PGGHG: variants seen among roughly 807,000 people sequenced by gnomAD.
The protein encoded by PGGHG is ATH1, acid trehalase-like 1.
PGGHG carries 67 observed loss-of-function variants against 74.5 expected under a neutral mutation model. The observed-to-expected ratio is 0.90, with a 90% CI of 0.74 to 1.10. The LOEUF (loss-of-function observed/expected upper bound fraction) is 1.10, where lower values mean the gene tolerates loss of function less well. PGGHG is among the 50% of genes least tolerant of loss of function. The pLI is 0.00. For missense variants in PGGHG, 1,034 were observed against 981.5 expected (o/e 1.05, Z -0.72); for synonymous variants, 496 against 419.9 (o/e 1.18, Z -2.21).
chr11:291,836 G>A, intron 4 of PGGHG, 140 bp from the exon 5 acceptor site: 1 of 1,234,604 alleles, frequency 8.1e-7, no homozygotes, highest in Non-Finnish European at 1.1e-6. Flanking sequence ...CAGGTGGGGA[G>A]GGCCTGCAGA....
At position 294,607 on chromosome 11, in the gene PGGHG, C is replaced by T. The variant is rs141707471; in HGVS notation, c.2072C>T (p.Pro691Leu). Residue 691 changes from proline (P) to leucine (L), a missense_variant, in exon 14 of 14, where the codon CCG becomes CTG. Pro to Leu is a moderately conservative substitution (Grantham distance 98). Transcript: ENST00000409548. The part of the protein sequence containing the change: ...RSAGRIQMSP[P>L]KLPGSSSSEF... ...GCTGGCCGGATACAAATGTCACCCC[C>T]GAAGCTGCCTGGAAGTTCCAGCTCC... 3.7e-5 allele frequency: 57 copies of T among 1,523,004 alleles called. 1 individual carries two copies. The highest frequency in any genetic ancestry group is 2.4e-4 in the South Asian group (21 of 88,206). The allele number at this position is 1,523,004 out of a possible 1,614,324, so 94.3% of individuals were successfully genotyped here. A position where few individuals can be genotyped will look rare whatever the true frequency, so the allele number is the denominator to read the frequency against.
At position 289,917 on chromosome 11, in the gene PGGHG, G is replaced by T; in HGVS notation, c.101G>T (p.Arg34Leu). Residue 34 changes from arginine to leucine, a missense_variant, in exon 2 of 14, where the codon CGA becomes CTA. Transcript: ENST00000409548. This position sits in a 1 kb window ranked among gnomAD's most constrained non-coding sequence, Gnocchi z 5.6. ...ATVTNAYLGT[R>L]VFHDTLHVSG... ...GTGACCAACGCATACCTGGGCACACGAGTGTTTCACGACACGCTGCACGTG... is the reference window on the plus strand; with the variant it reads ...GTGACCAACGCATACCTGGGCACACTAGTGTTTCACGACACGCTGCACGTG... 6.4e-7 allele frequency: 1 copy of T among 1,551,018 alleles called. No individual in the cohort carries two copies. The highest frequency in any genetic ancestry group is 8.7e-7 in the Non-Finnish European group (1 of 1,146,904).
chr11:293,111 G>A, intron 7 of PGGHG, 52 bp from the exon 8 acceptor site: 1 of 1,613,930 alleles, frequency 6.2e-7, no homozygotes, highest in Admixed American at 1.7e-5. Flanking sequence ...CGGCGTGGAG[G>A]GAAGGCCTCT....
At position 290,456 on chromosome 11, in the gene PGGHG, C is replaced by T. The variant is rs754115770; in HGVS notation, c.326C>T (p.Thr109Met). 33 of 1,549,672 alleles carry T rather than the reference C, an allele frequency of 2.1e-5. No individual in the cohort carries two copies. The highest frequency in any genetic ancestry group is 9.5e-5 in the South Asian group (8 of 84,038). The change falls in exon 3 of 14, where the codon ACG becomes ATG. Residue 109 changes from threonine to methionine, a missense_variant. Transcript: ENST00000409548. ...TCCCAGTGCATCTATGCGCATCGCA[C>T]GCTGCCCCACGTGCTGGCTTTCCGA... Reference protein sequence around the residue: ...RASQCIYAHRTLPHVLAFRVS... With the variant: ...RASQCIYAHRMLPHVLAFRVS...
chr11:291,839 C>T (rs1051237406), intron 4 of PGGHG, 137 bp from the exon 5 acceptor site: 15 of 1,269,024 alleles, frequency 1.2e-5, no homozygotes, highest in Non-Finnish European at 1.5e-5. Flanking sequence ...GTGGGGAGGG[C>T]CTGCAGATCT....
Position 293,928 on chromosome 11 carries a change from C to A in PGGHG, c.1710+3C>A, listed in dbSNP as rs61876229. 1 of 1,609,696 alleles carries A rather than the reference C, an allele frequency of 6.2e-7. No individual in the cohort carries two copies. Among genetic ancestry groups the A allele is most frequent in the Non-Finnish European group, 8.5e-7 (1 of 1,178,374 alleles). On this transcript the variant is annotated splice_donor_region_variant and intron_variant, in intron 11 of 13. Coordinates refer to ENST00000409548, the MANE Select transcript of PGGHG (RefSeq NM_025092.5). Reference sequence around the variant, plus strand: ...CCAACATGGCTGAACCCTTCAAGGTCAGCCTGGCCACACCTGCCTCCCACT... The same window carrying A: ...CCAACATGGCTGAACCCTTCAAGGTAAGCCTGGCCACACCTGCCTCCCACT...
In PGGHG at chr11:292,058, A is replaced by C; in HGVS notation, c.989A>C (p.Asp330Ala). Residue 330 changes from aspartate to alanine, a missense_variant, in exon 5 of 14, where the codon GAC becomes GCC. Physicochemically the swap from Asp to Ala is moderately radical, Grantham distance 126. Coordinates refer to ENST00000409548, the MANE Select transcript of PGGHG (RefSeq NM_025092.5). Reference protein sequence around the residue: ...AILEYRIRTLDGALENAQNLG... With the variant: ...AILEYRIRTLAGALENAQNLG... ...CTGGAGTACCGCATCCGCACGCTGG[A>C]CGGGGCCCTGGAGAACGCCCAGAAC... 6.3e-7 allele frequency: 1 copy of C among 1,587,836 alleles called. No homozygotes were observed. The highest frequency in any genetic ancestry group is 8.6e-7 in the Non-Finnish European group (1 of 1,167,076).
rs746436580 is a variant in PGGHG, at chr11:291,011, C to G, written c.804C>G (p.Pro268=). The G allele has an allele frequency of 6.2e-7, 1 of 1,612,704 alleles. No individual in the cohort carries two copies. Among genetic ancestry groups the G allele is most frequent in the African/African-American group, 1.3e-5 (1 of 75,060 alleles). ...TCTACTACCTGCTCAGTGCCCTGCC[C>G]CAGCCCAAGGCCCCAGGATACATCT... The part of the protein sequence containing the change: ...GSLYYLLSAL[P]QPKAPGYICH... The change falls in exon 4 of 14, where the codon CCC becomes CCG. Residue 268 remains proline, a synonymous_variant. Transcript: ENST00000409548.
In PGGHG at chr11:294,589, G is replaced by C. The variant is rs1444677667; in HGVS notation, c.2054G>C (p.Arg685Pro). Residue 685 changes from arginine (R) to proline (P), a missense_variant, in exon 14 of 14, where the codon CGG becomes CCG. Transcript: ENST00000409548. ...HKVSFPRSAG[R>P]IQMSPPKLPG... is the part of the protein sequence containing the mutation. Reference sequence around the variant, plus strand: ...GTCTCCTTTCCCCGCTCGGCTGGCCGGATACAAATGTCACCCCCGAAGCTG... The same window carrying C: ...GTCTCCTTTCCCCGCTCGGCTGGCCCGATACAAATGTCACCCCCGAAGCTG... 2 of 1,570,888 alleles carry C rather than the reference G, an allele frequency of 1.3e-6. No individual in the cohort carries two copies. Among genetic ancestry groups the C allele is most frequent in the African/African-American group, 1.6e-5 (1 of 64,200 alleles).
rs755118436 is a variant in PGGHG, at chr11:290,089, G to A, written c.259+14G>A. 2.0e-6 allele frequency: 3 copies of A among 1,513,082 alleles called. No individual in the cohort carries two copies. Among genetic ancestry groups the A allele is most frequent in the Non-Finnish European group, 2.7e-6 (3 of 1,131,636 alleles). 93.7% of individuals were successfully genotyped at this position (1,513,082 alleles called of 1,614,324 possible). On this transcript the variant is annotated intron_variant, in intron 2 of 13. Transcript: ENST00000409548. ...ACACCAACACAGGTAGCGCCACCTG[G>A]CCTGCCTCACCCCTGCCCCAGGCAT...
chr11:291,949 C>T (rs760194170), intron 4 of PGGHG, 27 bp from the exon 5 acceptor site: 8 of 1,586,508 alleles, frequency 5.0e-6, no homozygotes, highest in Admixed American at 3.6e-5. Flanking sequence ...GCCTGTCCGG[C>T]GCTAGAACGA....
intron 4 of PGGHG, chr11:291,332 C>T (rs1845714538): frequency 1.8e-6 from 1 of 556,088 alleles, no homozygotes; most frequent in East Asian, 3.1e-5. Flanking sequence ...AGGCACTTTC[C>T]AGAGCGTGGG....
rs1281524767 is a variant in PGGHG, at chr11:292,582, C to T, written c.1063C>T (p.Leu355=). 2.5e-6 allele frequency: 4 copies of T among 1,613,500 alleles called. No homozygotes were observed. In the East Asian group the frequency reaches 8.9e-5, roughly 36 times the overall value. The change falls in exon 6 of 14, where the codon CTA becomes TTA. Residue 355 remains leucine, a synonymous_variant. Coordinates refer to ENST00000409548, the MANE Select transcript of PGGHG (RefSeq NM_025092.5). ...TGCCTGGGAGAGTGCAGACTCCGGC[C>T]TAGAGGTTTGCCCTGAGGACATTTA... The part of the protein sequence containing the change: ...KFAWESADSG[L]EVCPEDIYGV...
In PGGHG at chr11:292,664, A is replaced by G. The variant is rs777870311; in HGVS notation, c.1145A>G (p.Tyr382Cys). ...GTGGTGTTGGCCTTCGAGCTGTACT[A>G]CCATACCACCCAGGTGAGGTGCTGC... ...GAVVLAFELY[Y>C]HTTQDLQLFR... Residue 382 changes from tyrosine to cysteine, a missense_variant, in exon 6 of 14, where the codon TAC (tyrosine) becomes TGC (cysteine). Physicochemically the swap from Tyr to Cys is radical, Grantham distance 194. Transcript: ENST00000409548. 1.9e-6 allele frequency: 3 copies of G among 1,613,602 alleles called. No homozygotes were observed. The highest frequency in any genetic ancestry group is 1.3e-5 in the African/African-American group (1 of 74,922).
chr11:290,459 T>C lies in PGGHG; in HGVS notation c.329T>C (p.Leu110Pro), dbSNP rs1378303156. ...CAGTGCATCTATGCGCATCGCACGCTGCCCCACGTGCTGGCTTTCCGAGTG... is the reference window on the plus strand; with the variant it reads ...CAGTGCATCTATGCGCATCGCACGCCGCCCCACGTGCTGGCTTTCCGAGTG... ...ASQCIYAHRTLPHVLAFRVSI... is the reference protein window; with the variant it reads ...ASQCIYAHRTPPHVLAFRVSI... The change falls in exon 3 of 14, where the codon CTG becomes CCG. Residue 110 changes from leucine to proline, a missense_variant. Coordinates refer to ENST00000409548, the MANE Select transcript of PGGHG (RefSeq NM_025092.5). 6.5e-7 allele frequency: 1 copy of C among 1,549,802 alleles called. No individual in the cohort carries two copies. Among genetic ancestry groups the C allele is most frequent in the Non-Finnish European group, 8.7e-7 (1 of 1,146,914 alleles).
intron 4 of PGGHG, chr11:291,401 A>G (rs973848443): frequency 7.2e-6 from 3 of 414,122 alleles, no homozygotes; most frequent in African/African-American, 4.1e-5. Context: ...GTTTGTAGAC[A>G]GTAGTGTGGC....
Position 292,109 on chromosome 11 carries a change from G to A in PGGHG, c.1026+14G>A. The A allele has an allele frequency of 6.5e-7, 1 of 1,545,780 alleles. No individual in the cohort carries two copies. The highest frequency in any genetic ancestry group is 8.7e-7 in the Non-Finnish European group (1 of 1,145,446). ...CTGGGCTACCAGGTGAGGGGACCTG[G>A]GGCACTGGCCCGTAGGGCCCTGCAG... is the stretch of plus-strand genomic sequence containing the variant. On this transcript the variant is annotated intron_variant, in intron 5 of 13. Transcript: ENST00000409548.
chr11:291,337 CG>C, intron 4 of PGGHG: 1 of 534,460 alleles, frequency 1.9e-6, no homozygotes, highest in Non-Finnish European at 3.2e-6. Flanking sequence ...CTTTCCAGAG[CG>C]TGGGGAGGGG....
Position 295,163 on chromosome 11 carries a change from G to A in PGGHG, c.*414G>A. The A allele has an allele frequency of 6.0e-6, 1 of 166,266 alleles. No homozygotes were observed. Among genetic ancestry groups the A allele is most frequent in the Non-Finnish European group, 1.3e-5 (1 of 77,950 alleles). 10.3% of individuals were successfully genotyped at this position (166,266 alleles called of 1,614,324 possible). ...GCTCAGGCCTCAGCGTGGACAGCAG[G>A]GATAAGGGGCACGAAGGACGGGGAC... On this transcript the variant is annotated 3_prime_UTR_variant, in exon 14 of 14. Coordinates refer to ENST00000409548, the MANE Select transcript of PGGHG (RefSeq NM_025092.5).
Sources: allele counts gnomAD v4.1 joint callset, GRCh38; gene constraint gnomAD v4.1.1; non-coding constraint Gnocchi (gnomAD v3.1); transcripts MANE v1.5; gene names NCBI Gene and HGNC (gene_info 2026-07-23, HGNC 2026-07-21).